PHACTR1: variants seen among roughly 807,000 people sequenced by gnomAD.
The protein encoded by PHACTR1 is RPEL repeat containing 1.
In PHACTR1, 16 loss-of-function variants were observed where a neutral mutation model predicts 69.2. That is an observed-to-expected ratio of 0.23 (90% CI 0.16 to 0.35). The LOEUF is 0.35. Among genes scored for constraint, PHACTR1 ranks in the 10% least tolerant of loss-of-function variants. The probability of loss-of-function intolerance (pLI) is 1.00; values close to 1 mark genes in which losing one functional copy is unlikely to be tolerated. For synonymous variants in PHACTR1, 312 were observed against 284.5 expected (o/e 1.10, Z -0.97); for missense variants, 510 against 734.7 (o/e 0.69, Z 3.54).
chr6:12,995,881 A>T (rs1582880563), intron 4 of PHACTR1, among the ~76,000 whole-genome samples: 1 of 152,220 alleles, frequency 6.6e-6, no homozygotes, highest in East Asian at 1.9e-4. Flanking sequence ...CAAACTATTA[A>T]TATACAAAGT....
chr6:13,214,567 G>A (rs1009492613), intron 8 of PHACTR1, among the ~76,000 whole-genome samples: 4 of 152,188 alleles, frequency 2.6e-5, no homozygotes, highest in Admixed American at 2.6e-4. Flanking sequence ...GTATTTGATA[G>A]TTCAGCTCTA....
intron 4 of PHACTR1, among the ~76,000 whole-genome samples, chr6:13,025,673 G>T (rs920139363): frequency 4.4e-5 from 6 of 135,054 alleles, no homozygotes; most frequent in Admixed American, 1.5e-4. Context: ...TATATTATTT[G>T]TGTGTGTGTG....
At chr6:12,941,078 C>T (rs1365730308) in intron 4 of PHACTR1, among the ~76,000 whole-genome samples, 1 of 152,158 alleles carries the variant, frequency 6.6e-6, no homozygotes, top group African/African-American at 2.4e-5. Context: ...TGGCATCAAT[C>T]TCATATGAGC....
chr6:13,104,379 G>T (rs1397162264), intron 5 of PHACTR1, among the ~76,000 whole-genome samples: 1 of 152,100 alleles, frequency 6.6e-6, no homozygotes, highest in Non-Finnish European at 1.5e-5. Context: ...TGTGTTGAGG[G>T]GTACACATGG....
chr6:12,962,202 TG>T (rs1385347068), intron 4 of PHACTR1, among the ~76,000 whole-genome samples: 1 of 152,194 alleles, frequency 6.6e-6, no homozygotes, highest in Non-Finnish European at 1.5e-5. Context: ...CCCAAAATGC[TG>T]GGTTGAGCCA....
chr6:12,999,727 C>G (rs908772410), intron 4 of PHACTR1, among the ~76,000 whole-genome samples: 1 of 152,206 alleles, frequency 6.6e-6, no homozygotes, highest in Non-Finnish European at 1.5e-5. Flanking sequence ...CTCGCAAATG[C>G]ATACCTATAT....
intron 5 of PHACTR1, among the ~76,000 whole-genome samples, chr6:13,065,786 C>T (rs544625540): frequency 6.6e-6 from 1 of 152,162 alleles, no homozygotes; most frequent in African/African-American, 2.4e-5. Context: ...CATTTTTCAG[C>T]AATGACAATT....
intron 4 of PHACTR1, among the ~76,000 whole-genome samples, chr6:13,045,098 A>G (rs1488986352): frequency 6.6e-6 from 1 of 152,204 alleles, no homozygotes; most frequent in African/African-American, 2.4e-5. Flanking sequence ...ACAAAGATTC[A>G]AAAAGCCAGA....
intron 5 of PHACTR1, among the ~76,000 whole-genome samples, chr6:13,076,290 G>A (rs1810459079): frequency 6.6e-6 from 1 of 152,162 alleles, no homozygotes; most frequent in Non-Finnish European, 1.5e-5. Context: ...TGCTCTGGAA[G>A]CACAAAGTAA....
In PHACTR1 at chr6:12,947,520, A is replaced by C. The variant is rs183590537; in HGVS notation, c.251-105845A>C. Among the ~76,000 whole-genome samples, 3 of 152,364 alleles carry C rather than the reference A, an allele frequency of 2.0e-5. No homozygotes were observed. In the East Asian group the frequency reaches 5.8e-4, roughly 29 times the overall value. On this transcript the variant is annotated intron_variant, in intron 4 of 14. Transcript: ENST00000332995. The stretch of plus-strand genomic sequence containing the variant: ...TGATGAATTAGTGACTTGGGAGGAA[A>C]AAACTAAATCAAAAGTAGTGAGACT...
chr6:13,268,093 C>T (rs1015886066), intron 10 of PHACTR1, among the ~76,000 whole-genome samples: 3 of 152,052 alleles, frequency 2.0e-5, no homozygotes, highest in Non-Finnish European at 4.4e-5. Flanking sequence ...GTGGTGAAAC[C>T]GCATGTCTAC....
At chr6:13,257,959 G>C (rs1008838340) in intron 10 of PHACTR1, among the ~76,000 whole-genome samples, 4 of 152,150 alleles carry the variant, frequency 2.6e-5, no homozygotes, top group Admixed American at 2.6e-4. Flanking sequence ...GAGCACCCAG[G>C]TGATGCTGAC....
chr6:12,939,369 A>C (rs915784320), intron 4 of PHACTR1, among the ~76,000 whole-genome samples: 10 of 152,164 alleles, frequency 6.6e-5, no homozygotes, highest in African/African-American at 2.2e-4. Flanking sequence ...GCAGTTTGGC[A>C]TAGGAGGAAA....
At position 13,034,090 on chromosome 6, in the gene PHACTR1, C is replaced by T. The variant is rs567151154; in HGVS notation, c.251-19275C>T. Among the ~76,000 whole-genome samples, 5 of 152,016 alleles carry T rather than the reference C, an allele frequency of 3.3e-5. No individual in the cohort carries two copies. In the South Asian group the frequency reaches 1.0e-3, roughly 32 times the overall value. On this transcript the variant is annotated intron_variant, in intron 4 of 14. Coordinates refer to ENST00000332995, the MANE Select transcript of PHACTR1 (RefSeq NM_030948.6). ...GGAGTGCAGTGGCGCGATCTCGGCT[C>T]ACTGCAGGCTCCGCCCCCTGGGGTT... is the stretch of plus-strand genomic sequence containing the variant.
intron 4 of PHACTR1, among the ~76,000 whole-genome samples, chr6:12,845,422 A>ACCCGCCC (rs879435671): frequency 7.8e-5 from 1 of 12,798 alleles, no homozygotes; most frequent in Non-Finnish European, 1.5e-4. Context: ...CATTGTGAAC[A>ACCCGCCC]CCACCCACCC....
chr6:12,779,297 T>A (rs188439889), intron 4 of PHACTR1, among the ~76,000 whole-genome samples: 4 of 152,128 alleles, frequency 2.6e-5, no homozygotes, highest in African/African-American at 9.7e-5. Flanking sequence ...ATCGCGCCAT[T>A]GCACTCCAGC....
intron 4 of PHACTR1, among the ~76,000 whole-genome samples, chr6:12,946,433 G>A (rs765592757): frequency 6.6e-5 from 10 of 152,150 alleles, no homozygotes; most frequent in Admixed American, 2.6e-4. Flanking sequence ...AGATATGAGC[G>A]ATTTGCAAAT....
intron 11 of PHACTR1, chr6:13,273,118 T>C (rs976450638): frequency 3.0e-6 from 2 of 670,756 alleles, no homozygotes; most frequent in East Asian, 2.9e-5. Flanking sequence ...CTTTATTCTT[T>C]AGAAGCTCAC....
At chr6:13,148,902 G>A (rs1374533716) in intron 5 of PHACTR1, among the ~76,000 whole-genome samples, 1 of 152,230 alleles carries the variant, frequency 6.6e-6, no homozygotes, top group East Asian at 1.9e-4. Context: ...TCATTGGAAT[G>A]CAGGTCTCTA....
Sources: gnomAD v4.1 joint callset for allele counts (sites outside exome capture counted in the v4.1 genomes callset) on GRCh38, gnomAD v4.1.1 for gene constraint, MANE v1.5 for transcripts, NCBI Gene and HGNC (gene_info 2026-07-23, HGNC 2026-07-21) for gene names.